PECAM1: variants seen among roughly 807,000 people sequenced by gnomAD.
The protein encoded by PECAM1 is platelet endothelial cell adhesion molecule.
Under a neutral mutation model 13.8 loss-of-function variants are expected in PECAM1, and 8 were observed. The ratio of observed to expected loss-of-function variants is 0.58; its 90% CI spans 0.34 to 1.05. The LOEUF (loss-of-function observed/expected upper bound fraction) is 1.05, where lower values mean the gene tolerates loss of function less well. Ranked by LOEUF, PECAM1 falls within the 50% of genes least tolerant of loss-of-function variation. The pLI, the probability that PECAM1 is intolerant of heterozygous loss-of-function variation, is 0.03. For synonymous variants in PECAM1, 136 were observed against 52.6 expected (o/e 2.58, Z -6.86); for missense variants, 304 against 141.2 (o/e 2.15, Z -5.84).
At chr17:64,361,677 C>T (rs1429989979) in intron 6 of PECAM1, among the ~76,000 whole-genome samples, 17 of 132,640 alleles carry the variant, frequency 1.3e-4, no homozygotes, top group African/African-American at 4.4e-4. Context: ...CGCTTGAACC[C>T]GGGAGGCAGA....
chr17:64,361,071 T>C (rs914540749), intron 6 of PECAM1, among the ~76,000 whole-genome samples: 5 of 148,276 alleles, frequency 3.4e-5, no homozygotes, highest in Admixed American at 6.8e-5. Context: ...TCCTCCCACA[T>C]CAGCTGCCCA....
intron 9 of PECAM1, among the ~76,000 whole-genome samples, chr17:64,354,205 G>C (rs960492787): frequency 2.6e-5 from 4 of 152,108 alleles, no homozygotes; most frequent in Admixed American, 6.6e-5. Context: ...GCCTCCCAAA[G>C]TGCTGGAATT....
At chr17:64,338,318 G>A (rs1209517391) in intron 14 of PECAM1, among the ~76,000 whole-genome samples, 2 of 141,534 alleles carry the variant, frequency 1.4e-5, no homozygotes, top group Non-Finnish European at 3.0e-5. Context: ...GGGCTCAAGC[G>A]ATTCTCTCAC....
At chr17:64,387,484 T>C (rs1339842752) in intron 2 of PECAM1, among the ~76,000 whole-genome samples, 2 of 152,086 alleles carry the variant, frequency 1.3e-5, no homozygotes, top group African/African-American at 4.8e-5. Flanking sequence ...GAGTTCCCAT[T>C]CACTGAGAGA....
rs961013152 is a variant in PECAM1, at chr17:64,329,964, A to T, written c.2165-242T>A. Among the ~76,000 whole-genome samples, 12 of 149,512 alleles carry T rather than the reference A, an allele frequency of 8.0e-5. 1 individual carries two copies. The East Asian group carries it at 2.2e-3, about 27-fold the overall frequency. ...TGGCACTTCATTTAAAATTTTCTTT[A>T]TTTTTTATTTTTTGAGACAGAGTCT... On this transcript the variant is annotated intron_variant, in intron 14 of 15. Transcript: ENST00000563924.
Position 64,389,416 on chromosome 17 carries a change from T to A in PECAM1, c.91+1073A>T, listed in dbSNP as rs1042087815. Among the ~76,000 whole-genome samples the A allele has an allele frequency of 4.0e-3, 609 of 152,222 alleles. 2 individuals are homozygous for A. Among genetic ancestry groups the A allele is most frequent in the Middle Eastern group, 0.02 (6 of 294 alleles). On this transcript the variant is annotated intron_variant, in intron 2 of 15. Coordinates refer to ENST00000563924, the MANE Select transcript of PECAM1 (RefSeq NM_000442.5). ...TCAAAATTAGCTGTAAAGTGGAAGATAAACCAGGCTTCAAAGATAGGCAGC... is the reference window on the plus strand; with the variant it reads ...TCAAAATTAGCTGTAAAGTGGAAGAAAAACCAGGCTTCAAAGATAGGCAGC...
chr17:64,336,384 G>A lies in PECAM1; in HGVS notation c.2164+5250C>T, dbSNP rs2035276638. Among the ~76,000 whole-genome samples, 6 of 152,300 alleles carry A rather than the reference G, an allele frequency of 3.9e-5. No homozygotes were observed. The South Asian group carries it at 1.2e-3, about 32-fold the overall frequency. On this transcript the variant is annotated intron_variant, in intron 14 of 15. Coordinates refer to ENST00000563924, the MANE Select transcript of PECAM1 (RefSeq NM_000442.5). The stretch of plus-strand genomic sequence containing the variant: ...ATGAGTGTGAGAGAAGCCTAAGCGG[G>A]TGGGTTACTGCTGGCTGAAGGATCT...
At position 64,328,401 on chromosome 17, in the gene PECAM1, G is replaced by T. The variant is rs565083305; in HGVS notation, c.2187+1299C>A. Among the ~76,000 whole-genome samples, 3 of 152,294 alleles carry T rather than the reference G, an allele frequency of 2.0e-5. No individual in the cohort carries two copies. In the South Asian group the frequency reaches 6.2e-4, roughly 32 times the overall value. On this transcript the variant is annotated intron_variant, in intron 15 of 15. Transcript: ENST00000563924. ...AGAGGACTGGCCGCAGAGTATAGAG[G>T]CCTGGGCTCTGTTCCTCACTCTATT...
intron 15 of PECAM1, among the ~76,000 whole-genome samples, chr17:64,328,792 C>T (rs1214542830): frequency 2.0e-5 from 3 of 152,198 alleles, no homozygotes; most frequent in Admixed American, 2.0e-4. Flanking sequence ...CTCATTTCTT[C>T]AGATATTAGC....
At chr17:64,361,386 T>A (rs1435645583) in intron 6 of PECAM1, among the ~76,000 whole-genome samples, 1 of 151,784 alleles carries the variant, frequency 6.6e-6, no homozygotes, top group African/African-American at 2.4e-5. Flanking sequence ...CCTCAGGTGA[T>A]CCACCCACCT....
At chr17:64,349,809 C>T (rs1029854594) in intron 12 of PECAM1, among the ~76,000 whole-genome samples, 6 of 151,924 alleles carry the variant, frequency 3.9e-5, no homozygotes, top group South Asian at 4.2e-4. Context: ...TGCTTGAACC[C>T]GGGAGGTGGA....
At chr17:64,367,747 TA>T (rs1191990448) in intron 5 of PECAM1, among the ~76,000 whole-genome samples, 1 of 152,008 alleles carries the variant, frequency 6.6e-6, no homozygotes, top group Admixed American at 6.6e-5. Context: ...GGGTCTTAGG[TA>T]GCTCTTTATC....
At chr17:64,342,330 C>T (rs2035454893) in intron 13 of PECAM1, among the ~76,000 whole-genome samples, 2 of 152,100 alleles carry the variant, frequency 1.3e-5, no homozygotes, top group Admixed American at 1.3e-4. Flanking sequence ...CTTGCTGGCC[C>T]CACTCCTCTT....
At chr17:64,365,195 C>A (rs1183601114) in intron 5 of PECAM1, among the ~76,000 whole-genome samples, 2 of 150,846 alleles carry the variant, frequency 1.3e-5, no homozygotes, top group East Asian at 3.9e-4. Context: ...AACAGAGAGC[C>A]AAATCATGAG....
chr17:64,360,450 G>A, intron 6 of PECAM1, 35 bp from the exon 7 acceptor site: 1 of 472,812 alleles, frequency 2.1e-6, no homozygotes, highest in Non-Finnish European at 3.9e-6. Context: ...AAAAGGCACT[G>A]AAGGTAAAAG....
At chr17:64,351,446 T>TG (rs2143775971) in intron 11 of PECAM1, among the ~76,000 whole-genome samples, 1 of 152,276 alleles carries the variant, frequency 6.6e-6, no homozygotes, top group Non-Finnish European at 1.5e-5. Context: ...GAAAAGTGGC[T>TG]GGGCTCAGGG....
At position 64,323,978 on chromosome 17, in the gene PECAM1, C is replaced by T. The variant is rs1049464197; in HGVS notation, c.2188-133G>A. The T allele has an allele frequency of 8.1e-5, 65 of 804,078 alleles. No individual in the cohort carries two copies. The African/African-American group carries it at 8.2e-4, about 10-fold the overall frequency. 49.8% of individuals were successfully genotyped at this position (804,078 alleles called of 1,614,324 possible). On this transcript the variant is annotated intron_variant, in intron 15 of 15. Coordinates refer to ENST00000563924, the MANE Select transcript of PECAM1 (RefSeq NM_000442.5). ...GCAGGGCTGTCACACACTGGTCCCCCACCCTGCAGGGTTCTCTCTGTGACT... is the reference window on the plus strand; with the variant it reads ...GCAGGGCTGTCACACACTGGTCCCCTACCCTGCAGGGTTCTCTCTGTGACT...
At chr17:64,364,032 G>A (rs2036045937) in intron 5 of PECAM1, among the ~76,000 whole-genome samples, 2 of 152,024 alleles carry the variant, frequency 1.3e-5, no homozygotes, top group Admixed American at 1.3e-4. Context: ...AATGAATCCA[G>A]GAGCTGGTTT....
intron 15 of PECAM1, among the ~76,000 whole-genome samples, chr17:64,327,254 G>C (rs1217898714): frequency 6.6e-6 from 1 of 152,240 alleles, no homozygotes; most frequent in Non-Finnish European, 1.5e-5. Flanking sequence ...GTGATGAAAA[G>C]AGCTTGAGAT....
Sources: gnomAD v4.1 joint callset for allele counts (sites outside exome capture counted in the v4.1 genomes callset) on GRCh38, gnomAD v4.1.1 for gene constraint, MANE v1.5 for transcripts, NCBI Gene and HGNC (gene_info 2026-07-23, HGNC 2026-07-21) for gene names.